UST: variants seen among roughly 807,000 people sequenced by gnomAD.
UST encodes the protein chondroitin sulfate 2-O-sulfotransferase.
UST carries 21 observed loss-of-function variants against 45.6 expected under a neutral mutation model. The observed-to-expected ratio is 0.46, with a 90% CI of 0.33 to 0.66. The LOEUF (loss-of-function observed/expected upper bound fraction) is 0.66. UST is among the 30% of genes least tolerant of loss of function. UST has a pLI of 0.02. For synonymous variants in UST, 215 were observed against 200.6 expected (o/e 1.07, Z -0.61); for missense variants, 463 against 512.4 (o/e 0.90, Z 0.93).
chr6:149,076,928 A>T lies in UST; in HGVS notation c.*2812A>T, dbSNP rs1159064093. Reference sequence around the variant, plus strand: ...AAAATGGTGTTTGACGTTGATGGAAATTCAAAAATATATATGGAACTGAAA... The same window carrying T: ...AAAATGGTGTTTGACGTTGATGGAATTTCAAAAATATATATGGAACTGAAA... On this transcript the variant is annotated 3_prime_UTR_variant, in exon 8 of 8. Coordinates refer to ENST00000367463, the MANE Select transcript of UST (RefSeq NM_005715.3). The T allele has an allele frequency of 6.6e-6, 1 of 152,274 alleles. No individual in the cohort carries two copies. The highest frequency in any genetic ancestry group is 1.5e-5 in the Non-Finnish European group (1 of 67,994). 9.4% of individuals were successfully genotyped at this position (152,274 alleles called of 1,614,324 possible).
intron 7 of UST, among the ~76,000 whole-genome samples, chr6:149,024,222 C>T (rs776284294): frequency 6.6e-6 from 1 of 152,162 alleles, no homozygotes; most frequent in Non-Finnish European, 1.5e-5. Flanking sequence ...AGTGATGTAA[C>T]GGAAGGACTA....
chr6:148,766,565 A>G (rs1341930273), intron 1 of UST, among the ~76,000 whole-genome samples: 1 of 152,186 alleles, frequency 6.6e-6, no homozygotes, highest in Non-Finnish European at 1.5e-5. Flanking sequence ...AGAAGGACTT[A>G]AGATCCCGTA....
chr6:148,934,642 C>G lies in UST; in HGVS notation c.292-6637C>G. Among the ~76,000 whole-genome samples, 1 of 152,180 alleles carries G rather than the reference C, an allele frequency of 6.6e-6. No individual in the cohort carries two copies. The highest frequency in any genetic ancestry group is 1.9e-4 in the East Asian group (1 of 5,196). On this transcript the variant is annotated intron_variant, in intron 2 of 7. Transcript: ENST00000367463. The surrounding 1 kb of genome is among the most constrained non-coding windows in gnomAD (Gnocchi z 4.1). ...TCTCCAGGATCACGCAGGCAACCTTCTCCCCAGCCTTAATCCCTCAGAAGG... is the reference window on the plus strand; with the variant it reads ...TCTCCAGGATCACGCAGGCAACCTTGTCCCCAGCCTTAATCCCTCAGAAGG...
At chr6:148,830,872 G>C (rs919761151) in intron 1 of UST, among the ~76,000 whole-genome samples, 4 of 152,178 alleles carry the variant, frequency 2.6e-5, no homozygotes, top group African/African-American at 9.7e-5. Context: ...AAGTTATGGA[G>C]AGGGATAGTG....
At chr6:149,015,708 T>C (rs1450966737) in intron 5 of UST, among the ~76,000 whole-genome samples, 1 of 152,204 alleles carries the variant, frequency 6.6e-6, no homozygotes, top group East Asian at 1.9e-4. Context: ...AGAAAATATA[T>C]GTGCTGAGAG....
intron 1 of UST, among the ~76,000 whole-genome samples, chr6:148,751,949 C>T (rs572088026): frequency 3.2e-4 from 49 of 152,262 alleles, no homozygotes; most frequent in South Asian, 1.2e-3. Context: ...CTTGTACAAC[C>T]GACAAACTCT....
intron 1 of UST, among the ~76,000 whole-genome samples, chr6:148,873,644 C>T (rs1778598836): frequency 6.6e-6 from 1 of 152,182 alleles, no homozygotes; most frequent in South Asian, 2.1e-4. Context: ...GCTTCAGAGT[C>T]AGGCTACTGG....
chr6:148,846,609 A>AAT (rs1157229153), intron 1 of UST, among the ~76,000 whole-genome samples: 22 of 149,298 alleles, frequency 1.5e-4, no homozygotes, highest in South Asian at 2.1e-4. Context: ...ATAATAATAA[A>AAT]AAATAAAAAT....
chr6:148,935,782 T>G (rs1483252317), intron 2 of UST, among the ~76,000 whole-genome samples: 1 of 152,188 alleles, frequency 6.6e-6, no homozygotes, highest in Non-Finnish European at 1.5e-5. Context: ...CCTGCCACCT[T>G]CTTCTCCAAT....
intron 1 of UST, among the ~76,000 whole-genome samples, chr6:148,885,534 G>C (rs769608946): frequency 9.9e-5 from 15 of 152,162 alleles, no homozygotes; most frequent in Non-Finnish European, 2.1e-4. Context: ...TCCTAAAATA[G>C]CCCAATCATG....
intron 7 of UST, among the ~76,000 whole-genome samples, chr6:149,037,849 G>T (rs975094545): frequency 4.6e-5 from 7 of 152,238 alleles, no homozygotes; most frequent in African/African-American, 1.7e-4. Flanking sequence ...GGTTATTGGA[G>T]AAGCACTGCC....
At chr6:148,834,042 T>G (rs1300483823) in intron 1 of UST, among the ~76,000 whole-genome samples, 1 of 152,234 alleles carries the variant, frequency 6.6e-6, no homozygotes, top group Non-Finnish European at 1.5e-5. Flanking sequence ...ACAATATGGG[T>G]AAGAGTCTGT....
chr6:148,877,335 T>C (rs1582870852), intron 1 of UST, among the ~76,000 whole-genome samples: 1 of 33,122 alleles, frequency 3.0e-5, no homozygotes, highest in African/African-American at 1.3e-4. Context: ...TGTACAAGTG[T>C]GGGGGGTCAT....
intron 1 of UST, among the ~76,000 whole-genome samples, chr6:148,882,285 A>G (rs1778836265): frequency 6.6e-6 from 1 of 152,132 alleles, no homozygotes. Context: ...CAGGAGTTTG[A>G]GACCAGCCTG....
Position 148,895,303 on chromosome 6 carries a change from A to G in UST, c.291+8274A>G, listed in dbSNP as rs535564838. On this transcript the variant is annotated intron_variant, in intron 2 of 7. Coordinates refer to ENST00000367463, the MANE Select transcript of UST (RefSeq NM_005715.3). The stretch of plus-strand genomic sequence containing the variant: ...CAAATTGTGTTATCTTCTACACAAA[A>G]AACATATTATATTACATCATATTTT... Among the ~76,000 whole-genome samples the G allele has an allele frequency of 7.2e-5, 11 of 152,298 alleles. No homozygotes were observed. In the South Asian group the frequency reaches 2.3e-3, roughly 32 times the overall value.
chr6:148,869,066 A>G (rs572836014), intron 1 of UST, among the ~76,000 whole-genome samples: 2 of 152,328 alleles, frequency 1.3e-5, no homozygotes, highest in African/African-American at 2.4e-5. Flanking sequence ...GTTACGTCCA[A>G]TAAGTAGATC....
At chr6:148,770,981 T>G (rs577949489) in intron 1 of UST, among the ~76,000 whole-genome samples, 1 of 152,336 alleles carries the variant, frequency 6.6e-6, no homozygotes, top group South Asian at 2.1e-4. Context: ...GACAAACAAC[T>G]TTTATCCTGC....
chr6:148,818,861 A>G (rs1191312420), intron 1 of UST, among the ~76,000 whole-genome samples: 1 of 152,146 alleles, frequency 6.6e-6, no homozygotes, highest in Non-Finnish European at 1.5e-5. Flanking sequence ...CTTGAAAGAG[A>G]GGGAGACATG....
intron 5 of UST, among the ~76,000 whole-genome samples, chr6:148,966,042 G>C (rs1780789851): frequency 6.6e-6 from 1 of 151,704 alleles, no homozygotes; most frequent in South Asian, 2.1e-4. Context: ...TGGCCAACAT[G>C]GTGAAAACCT....
Sources: allele counts gnomAD v4.1 joint callset (sites outside exome capture counted in the v4.1 genomes callset), GRCh38; gene constraint gnomAD v4.1.1; non-coding constraint Gnocchi (gnomAD v3.1); transcripts MANE v1.5; gene names NCBI Gene and HGNC (gene_info 2026-07-23, HGNC 2026-07-21).